Variants in CENPW observed in about 807,000 individuals in gnomAD.
CENPW encodes the protein centromere protein W.
Under a neutral mutation model 11.1 loss-of-function variants are expected in CENPW, and 3 were observed. The observed-to-expected ratio is 0.27, with a 90% confidence interval of 0.12 to 0.70. The LOEUF (loss-of-function observed/expected upper bound fraction) is 0.70. Ranked by LOEUF, CENPW falls within the 30% of genes least tolerant of loss-of-function variation. The probability of loss-of-function intolerance (pLI) is 0.77; values close to 1 mark genes in which losing one functional copy is unlikely to be tolerated. For synonymous variants in CENPW, 38 were observed against 42.0 expected (o/e 0.91, Z 0.37); for missense variants, 100 against 105.6 (o/e 0.95, Z 0.23).
the CENPW span, among the ~76,000 whole-genome samples, chr6:126,417,786 C>T: frequency 6.6e-6 from 1 of 152,120 alleles, no homozygotes; most frequent in Non-Finnish European, 1.5e-5. Flanking sequence ...TGGACTAATA[C>T]ATTTGGTAAT....
the CENPW span, among the ~76,000 whole-genome samples, chr6:126,446,380 G>A: frequency 7.2e-6 from 1 of 139,814 alleles, no homozygotes; most frequent in African/African-American, 2.7e-5. Flanking sequence ...AAAAAAACAG[G>A]GCAGCTGAAA....
the CENPW span, among the ~76,000 whole-genome samples, chr6:126,425,005 G>A: frequency 6.6e-6 from 1 of 151,852 alleles, no homozygotes; most frequent in Non-Finnish European, 1.5e-5. Context: ...AGGTTTGTAG[G>A]AAAAAAGACA....
chr6:126,363,344 T>C, the CENPW span, among the ~76,000 whole-genome samples: 1 of 152,194 alleles, frequency 6.6e-6, no homozygotes, highest in African/African-American at 2.4e-5. Flanking sequence ...ACTTGAAAAT[T>C]AGATTTCACA....
At chr6:126,407,988 G>A in the CENPW span, among the ~76,000 whole-genome samples, 5 of 151,960 alleles carry the variant, frequency 3.3e-5, no homozygotes, top group African/African-American at 4.8e-5. Flanking sequence ...TGGTGTTTTC[G>A]TCATGAAATC....
chr6:126,421,545 A>G, the CENPW span, among the ~76,000 whole-genome samples: 1 of 150,324 alleles, frequency 6.7e-6, no homozygotes, highest in African/African-American at 2.4e-5. Flanking sequence ...TTTTTCTGCA[A>G]ATTTTCCCGA....
the CENPW span, among the ~76,000 whole-genome samples, chr6:126,417,093 G>A: frequency 3.3e-5 from 5 of 152,170 alleles, no homozygotes; most frequent in Admixed American, 6.5e-5. Context: ...CCAAGACCAC[G>A]GGAGCCCACC....
the CENPW span, among the ~76,000 whole-genome samples, chr6:126,360,549 CAG>C: frequency 1.3e-5 from 2 of 152,160 alleles, no homozygotes; most frequent in Non-Finnish European, 2.9e-5. Flanking sequence ...TCTCCTCTCT[CAG>C]GAATGTCAAT....
At position 126,346,756 on chromosome 6, in the gene CENPW, C is replaced by T. The variant is rs116100502; in HGVS notation, c.240+438C>T. On this transcript the variant is annotated intron_variant, in intron 2 of 2. Transcript: ENST00000368328. ...GGAGAGCAGCATGGGGAAAACCGCC[C>T]CCCATGATCTAATCACTTCCCTTCC... 3.9e-3 allele frequency among the ~76,000 whole-genome samples: 592 copies of T among 152,202 alleles called. 6 individuals carry two copies. The highest frequency in any genetic ancestry group is 0.014 in the African/African-American group (572 of 41,544).
the CENPW span, among the ~76,000 whole-genome samples, chr6:126,453,012 T>C: frequency 6.6e-6 from 1 of 151,202 alleles, no homozygotes; most frequent in African/African-American, 2.4e-5. Context: ...AAGAAAATTA[T>C]TGTCAACTCA....
chr6:126,381,279 T>A, the CENPW span, among the ~76,000 whole-genome samples: 1 of 152,230 alleles, frequency 6.6e-6, no homozygotes, highest in African/African-American at 2.4e-5. Flanking sequence ...GGCATCTGAG[T>A]CACTTCTGTT....
the CENPW span, among the ~76,000 whole-genome samples, chr6:126,418,357 G>T: frequency 6.6e-6 from 1 of 152,296 alleles, no homozygotes; most frequent in Admixed American, 6.5e-5. Context: ...CCATTAATCA[G>T]CTGATGAATG....
the CENPW span, among the ~76,000 whole-genome samples, chr6:126,435,035 T>A: frequency 6.6e-6 from 1 of 151,928 alleles, no homozygotes; most frequent in Non-Finnish European, 1.5e-5. Flanking sequence ...CCTGCTAAGG[T>A]TTAAAAATAT....
At chr6:126,458,792 G>T in the CENPW span, among the ~76,000 whole-genome samples, 3 of 151,340 alleles carry the variant, frequency 2.0e-5, no homozygotes, top group African/African-American at 7.3e-5. Context: ...AGTTTTTGAA[G>T]ATTTTAAGTA....
At chr6:126,396,929 G>A in the CENPW span, among the ~76,000 whole-genome samples, 2 of 151,910 alleles carry the variant, frequency 1.3e-5, no homozygotes, top group African/African-American at 4.8e-5. Context: ...TGTCTAAGAT[G>A]CAAGACAAAG....
the CENPW span, among the ~76,000 whole-genome samples, chr6:126,396,460 C>G: frequency 7.9e-5 from 12 of 152,294 alleles, no homozygotes; most frequent in South Asian, 2.5e-3. Context: ...GAGCTTCCCT[C>G]TGTCCCAGAG....
At chr6:126,368,252 G>A in the CENPW span, among the ~76,000 whole-genome samples, 3 of 152,160 alleles carry the variant, frequency 2.0e-5, no homozygotes, top group Non-Finnish European at 4.4e-5. Context: ...GAAGGAAAAA[G>A]CTTTTTATCT....
At chr6:126,469,388 C>T in the CENPW span, among the ~76,000 whole-genome samples, 1 of 152,180 alleles carries the variant, frequency 6.6e-6, no homozygotes, top group African/African-American at 2.4e-5. Flanking sequence ...TTTCCTGTGA[C>T]CTCCCCAGAC....
the CENPW span, among the ~76,000 whole-genome samples, chr6:126,364,791 G>C: frequency 1.3e-5 from 2 of 152,126 alleles, no homozygotes; most frequent in African/African-American, 4.8e-5. Flanking sequence ...TGAAGAAAGA[G>C]AATTACTGAA....
the CENPW span, among the ~76,000 whole-genome samples, chr6:126,394,212 T>TG: frequency 1.8e-5 from 2 of 110,608 alleles, no homozygotes; most frequent in African/African-American, 6.0e-5. Context: ...TTCCTTCTTT[T>TG]ATTTTTTTTC....
Sources: allele counts gnomAD v4.1 joint callset (sites outside exome capture counted in the v4.1 genomes callset), GRCh38; gene constraint gnomAD v4.1.1; transcripts MANE v1.5; gene names NCBI Gene and HGNC (gene_info 2026-07-23, HGNC 2026-07-21).